The following ITIH2 variants were observed in gnomAD, a reference collection of about 807,000 sequenced individuals.
The protein encoded by ITIH2 is inter-alpha-trypsin inhibitor heavy chain H2.
ITIH2 carries 103 observed loss-of-function variants against 104.4 expected under a neutral mutation model. The observed-to-expected ratio is 0.99, with a 90% CI of 0.84 to 1.16. The LOEUF (loss-of-function observed/expected upper bound fraction) is 1.16. Among genes scored for constraint, ITIH2 ranks in the 50% most tolerant of loss-of-function variants. The probability of loss-of-function intolerance (pLI) is 0.00; values close to 1 mark genes in which losing one functional copy is unlikely to be tolerated. For missense variants in ITIH2, 1,108 were observed against 1,162.4 expected (o/e 0.95, Z 0.68); for synonymous variants, 436 against 435.4 (o/e 1.00, Z -0.02).
At chr10:7,707,556 C>T (rs373432543) in intron 3 of ITIH2, among the ~76,000 whole-genome samples, 11 of 151,924 alleles carry the variant, frequency 7.2e-5, no homozygotes, top group South Asian at 4.2e-4. Flanking sequence ...TTTATTTTTA[C>T]GTTTTCATTT....
chr10:7,713,251 G>A lies in ITIH2; in HGVS notation c.433G>A (p.Ala145Thr). ...KTVGRALYAQ[A>T]RAKGKTAGLV... ...TGTGGGCCGAGCTCTTTATGCACAGGCCAGAGCAAAAGGCAAGACGGCTGG... is the reference window on the plus strand; with the variant it reads ...TGTGGGCCGAGCTCTTTATGCACAGACCAGAGCAAAAGGCAAGACGGCTGG... The change falls in exon 5 of 21, where the codon GCC (alanine) becomes ACC (threonine). Residue 145 changes from alanine to threonine, a missense_variant. By Grantham distance (58) the Ala-to-Thr change is moderately conservative. Transcript: ENST00000358415. The A allele has an allele frequency of 6.2e-7, 1 of 1,614,166 alleles. No individual in the cohort carries two copies. Among genetic ancestry groups the A allele is most frequent in the Admixed American group, 1.7e-5 (1 of 60,022 alleles).
chr10:7,705,861 C>T (rs1328817009), intron 2 of ITIH2, among the ~76,000 whole-genome samples: 1 of 152,160 alleles, frequency 6.6e-6, no homozygotes, highest in Non-Finnish European at 1.5e-5. Context: ...AATCTCCTTC[C>T]TCTGGTCACT....
intron 12 of ITIH2, among the ~76,000 whole-genome samples, chr10:7,731,480 C>G (rs1350421495): frequency 6.6e-6 from 1 of 152,070 alleles, no homozygotes; most frequent in Non-Finnish European, 1.5e-5. Flanking sequence ...GTAATCCCAG[C>G]ACTTTGGGAG....
rs762282644 is a variant in ITIH2, at chr10:7,713,266, A to C, written c.448A>C (p.Lys150Gln). ...TTATGCACAGGCCAGAGCAAAAGGC[A>C]AGACGGCTGGCTTGGTGAGGTAAGG... The part of the protein sequence containing the change: ...ALYAQARAKG[K>Q]TAGLVRSSAL... The change falls in exon 5 of 21, where the codon AAG (lysine) becomes CAG (glutamine). Residue 150 changes from lysine (K) to glutamine (Q), a missense_variant. Physicochemically the swap from Lys to Gln is moderately conservative, Grantham distance 53. Coordinates refer to ENST00000358415, the MANE Select transcript of ITIH2 (RefSeq NM_002216.3). 2 of 1,614,096 alleles carry C rather than the reference A, an allele frequency of 1.2e-6. No individual in the cohort carries two copies. The highest frequency in any genetic ancestry group is 2.2e-5 in the South Asian group (2 of 91,052).
chr10:7,738,660 C>G lies in ITIH2; in HGVS notation c.1997C>G (p.Thr666Ser), dbSNP rs1478497694. Residue 666 changes from threonine (T) to serine (S), a missense_variant, in exon 16 of 21, where the codon ACC becomes AGC. Transcript: ENST00000358415. The stretch of plus-strand genomic sequence containing the variant: ...GGCAGCAAAGTGGTTCCAGATTCCA[C>G]CCCGTCTTGGGCCAATCCTTCACCA... The part of the protein sequence containing the change: ...YYGSKVVPDS[T>S]PSWANPSPTP... 1 of 1,613,970 alleles carries G rather than the reference C, an allele frequency of 6.2e-7. No homozygotes were observed. Among genetic ancestry groups the G allele is most frequent in the South Asian group, 1.1e-5 (1 of 91,088 alleles).
intron 17 of ITIH2, 49 bp from the exon 18 acceptor site, chr10:7,744,033 C>T (rs1405982539): frequency 2.7e-6 from 4 of 1,454,814 alleles, no homozygotes; most frequent in African/African-American, 2.8e-5. Flanking sequence ...CCCACACATG[C>T]AAAATAAATG....
intron 19 of ITIH2, 21 bp downstream of exon 19, chr10:7,744,984 C>T: frequency 6.2e-7 from 1 of 1,607,722 alleles, no homozygotes; most frequent in East Asian, 2.2e-5. Context: ...TATTGACCAT[C>T]TGACAAGGGT....
chr10:7,743,272 T>A lies in ITIH2; in HGVS notation c.2209+13T>A. On this transcript the variant is annotated intron_variant, in intron 17 of 20. Coordinates refer to ENST00000358415, the MANE Select transcript of ITIH2 (RefSeq NM_002216.3). ...GACCCAGAATCAGGTAAAATAAAAA[T>A]AAATTATATTTGCACCAATTAGGTC... 1 of 1,355,052 alleles carries A rather than the reference T, an allele frequency of 7.4e-7. No individual in the cohort carries two copies. The highest frequency in any genetic ancestry group is 1.0e-6 in the Non-Finnish European group (1 of 958,974). The allele number at this position is 1,355,052 out of a possible 1,614,324, so 83.9% of individuals were successfully genotyped here.
chr10:7,703,932 T>A (rs1015796575), intron 1 of ITIH2, among the ~76,000 whole-genome samples: 1 of 152,234 alleles, frequency 6.6e-6, no homozygotes, highest in African/African-American at 2.4e-5. Flanking sequence ...ATTATCACTC[T>A]TTTACTAAGA....
intron 20 of ITIH2, among the ~76,000 whole-genome samples, chr10:7,748,315 A>G (rs1835199783): frequency 6.7e-6 from 1 of 148,374 alleles, no homozygotes; most frequent in Non-Finnish European, 1.5e-5. Flanking sequence ...CACTGCAAGC[A>G]CCTCATGGTT....
chr10:7,734,895 C>T, intron 14 of ITIH2, 27 bp from the exon 15 acceptor site: 1 of 1,594,010 alleles, frequency 6.3e-7, no homozygotes, highest in Non-Finnish European at 8.5e-7. Context: ...AGCCATGCTC[C>T]ATAACACCTC....
intron 7 of ITIH2, 62 bp from the exon 8 acceptor site, chr10:7,721,587 G>C (rs552992041): frequency 2.0e-6 from 3 of 1,518,200 alleles, no homozygotes; most frequent in Admixed American, 3.6e-5. Flanking sequence ...CTGGAGAAGG[G>C]GCAGCGCCAA....
At chr10:7,734,840 TG>T in intron 14 of ITIH2, 81 bp from the exon 15 acceptor site, 1 of 1,246,962 alleles carries the variant, frequency 8.0e-7, no homozygotes, top group Non-Finnish European at 1.1e-6. Flanking sequence ...CCAGCAGTGG[TG>T]GGGTGCAGGG....
intron 2 of ITIH2, among the ~76,000 whole-genome samples, chr10:7,706,688 C>T (rs568017246): frequency 4.6e-5 from 7 of 152,210 alleles, no homozygotes; most frequent in Admixed American, 2.6e-4. Context: ...TAAAGGAAAC[C>T]GACCTAGTCT....
chr10:7,740,132 G>A, intron 16 of ITIH2, among the ~76,000 whole-genome samples: 1 of 152,168 alleles, frequency 6.6e-6, no homozygotes, highest in East Asian at 1.9e-4. Context: ...GTTGTAGTGA[G>A]CTGAGATCAT....
At chr10:7,717,036 C>T (rs1022338346) in intron 5 of ITIH2, among the ~76,000 whole-genome samples, 2 of 151,770 alleles carry the variant, frequency 1.3e-5, no homozygotes, top group African/African-American at 4.8e-5. Context: ...CAACCTCTGC[C>T]TCCTGGGTCC....
intron 2 of ITIH2, among the ~76,000 whole-genome samples, chr10:7,705,958 T>C (rs1164687370): frequency 6.6e-6 from 1 of 151,986 alleles, no homozygotes; most frequent in Non-Finnish European, 1.5e-5. Flanking sequence ...AACCCTCTAA[T>C]TAAGGGGGTG....
chr10:7,709,165 A>G lies in ITIH2; in HGVS notation c.336A>G (p.Lys112=). The change falls in exon 4 of 21, where the codon AAA becomes AAG. Residue 112 remains lysine (K), a synonymous_variant. Coordinates refer to ENST00000358415, the MANE Select transcript of ITIH2 (RefSeq NM_002216.3). ...QNVVFDVQIP[K]GAFISNFSMT... is the part of the protein sequence containing the mutation. Reference sequence around the variant, plus strand: ...TCGTGTTTGATGTTCAGATCCCCAAAGGAGCATTCATTTCCAACTTCTCCA... The same window carrying G: ...TCGTGTTTGATGTTCAGATCCCCAAGGGAGCATTCATTTCCAACTTCTCCA... 2 of 1,614,152 alleles carry G rather than the reference A, an allele frequency of 1.2e-6. No individual in the cohort carries two copies. Among genetic ancestry groups the G allele is most frequent in the Non-Finnish European group, 1.7e-6 (2 of 1,180,016 alleles).
intron 8 of ITIH2, among the ~76,000 whole-genome samples, 168 bp from the exon 9 acceptor site, chr10:7,723,283 G>A (rs1481265753): frequency 6.6e-6 from 1 of 152,084 alleles, no homozygotes; most frequent in Non-Finnish European, 1.5e-5. Flanking sequence ...TTGACCCTCA[G>A]AGGAGAGGAG....
Sources: gnomAD v4.1 joint callset for allele counts (sites outside exome capture counted in the v4.1 genomes callset) on GRCh38, gnomAD v4.1.1 for gene constraint, MANE v1.5 for transcripts, NCBI Gene and HGNC (gene_info 2026-07-23, HGNC 2026-07-21) for gene names.